The following GDAP2 variants were observed in gnomAD, a reference collection of about 807,000 sequenced individuals.
GDAP2 encodes the protein ganglioside induced differentiation associated protein 2, also known as ganglioside-induced differentiation-associated protein 2.
A neutral mutation model predicts 67.0 loss-of-function variants in GDAP2; 51 were observed. The observed-to-expected ratio is 0.76, with a 90% CI of 0.61 to 0.96. GDAP2 has a LOEUF of 0.96. Ranked by LOEUF, GDAP2 falls within the 40% of genes least tolerant of loss-of-function variation. The pLI, the probability that GDAP2 is intolerant of heterozygous loss-of-function variation, is 0.00. For synonymous variants in GDAP2, 203 were observed against 207.3 expected, an observed-to-expected ratio of 0.98 and a Z score of 0.18; for missense variants, 547 against 588.3, an observed-to-expected ratio of 0.93 and a Z score of 0.73.
At chr1:117,886,005 AG>A (rs1570970377) in intron 10 of GDAP2, among the ~76,000 whole-genome samples, 1 of 152,118 alleles carries the variant, frequency 6.6e-6, no homozygotes, top group Non-Finnish European at 1.5e-5. Context: ...TCACTTTTAT[AG>A]TTTCATCTTT....
Position 117,918,613 on chromosome 1 carries a change from A to T in GDAP2, c.300T>A (p.Asp100Glu). ...FMLAGPDLKE[D>E]LQKLKGCRTG... ...TTCACTCACCTTTAAGTTTCTGGAG[A>T]TCTTCCTTCAAATCAGGCCCTGCAA... Residue 100 changes from aspartate to glutamate, a missense_variant, in exon 3 of 14, where the codon GAT (aspartate) becomes GAA (glutamate). Transcript: ENST00000369443. 6.2e-7 allele frequency: 1 copy of T among 1,609,056 alleles called. No individual in the cohort carries two copies. The highest frequency in any genetic ancestry group is 8.5e-7 in the Non-Finnish European group (1 of 1,175,888).
chr1:117,893,623 C>G (rs893694362), intron 8 of GDAP2, among the ~76,000 whole-genome samples: 14 of 152,028 alleles, frequency 9.2e-5, no homozygotes, highest in Admixed American at 2.6e-4. Context: ...AATAAAAGCC[C>G]GATTTAGAAA....
rs142849045 is a variant in GDAP2 at position 117,925,997 on chromosome 1, T to C, written c.-68+3451A>G. On this transcript the variant is annotated intron_variant, in intron 1 of 13. Coordinates refer to ENST00000369443, the MANE Select transcript of GDAP2 (RefSeq NM_017686.4). ...TAAGAGAGTGTTACAACATAAATTC[T>C]CCTTTTACAATTACATCTTGGCTTT... Among the ~76,000 whole-genome samples the C allele has an allele frequency of 1.9e-4, 29 of 152,356 alleles. No homozygotes were observed. In the East Asian group the frequency reaches 5.4e-3, roughly 28 times the overall value.
intron 3 of GDAP2, among the ~76,000 whole-genome samples, chr1:117,917,646 T>TA (rs1158634703): frequency 6.6e-6 from 1 of 152,192 alleles, no homozygotes; most frequent in African/African-American, 2.4e-5. Context: ...AGCAGAGTTA[T>TA]AACATGAATC....
At chr1:117,906,315 C>T (rs1649657467) in intron 6 of GDAP2, among the ~76,000 whole-genome samples, 191 bp downstream of exon 6, 1 of 152,172 alleles carries the variant, frequency 6.6e-6, no homozygotes, top group Admixed American at 6.5e-5. Flanking sequence ...GAACGAAATG[C>T]TCCTTCTTGA....
rs1191991092 is a variant in GDAP2, at chr1:117,869,206, A to T, written c.*1363T>A. ...GGAGGTGGCTGTAGGAATCAAAAAAAGTACAAAGCTACCCAGATGGGAATA... is the reference window on the plus strand; with the variant it reads ...GGAGGTGGCTGTAGGAATCAAAAAATGTACAAAGCTACCCAGATGGGAATA... On this transcript the variant is annotated 3_prime_UTR_variant, in exon 14 of 14. Transcript: ENST00000369443. The T allele has an allele frequency of 6.6e-6, 1 of 151,570 alleles. No homozygotes were observed. Among genetic ancestry groups the T allele is most frequent in the Non-Finnish European group, 1.5e-5 (1 of 68,026 alleles). 9.4% of individuals were successfully genotyped at this position (151,570 alleles called of 1,614,324 possible).
intron 8 of GDAP2, among the ~76,000 whole-genome samples, chr1:117,890,665 C>T (rs1315625600): frequency 6.6e-6 from 1 of 151,972 alleles, no homozygotes; most frequent in Non-Finnish European, 1.5e-5. Context: ...GTGCTACTTC[C>T]CACCGTTATC....
At chr1:117,876,390 C>G (rs556332200) in intron 13 of GDAP2, among the ~76,000 whole-genome samples, 1 of 152,200 alleles carries the variant, frequency 6.6e-6, no homozygotes, top group Non-Finnish European at 1.5e-5. Context: ...TGCTGGTGCC[C>G]TGCTTCTCAT....
intron 10 of GDAP2, among the ~76,000 whole-genome samples, chr1:117,884,287 T>C (rs755144309): frequency 6.6e-6 from 1 of 152,156 alleles, no homozygotes; most frequent in Admixed American, 6.5e-5. Context: ...AGATTGGTTA[T>C]AGAAATATTC....
intron 1 of GDAP2, among the ~76,000 whole-genome samples, chr1:117,928,292 T>C (rs769613112): frequency 1.4e-4 from 21 of 152,250 alleles, no homozygotes; most frequent in African/African-American, 4.3e-4. Flanking sequence ...ACAATAATTA[T>C]TTAGCATTGA....
At chr1:117,889,772 A>G (rs76465391) in intron 8 of GDAP2, among the ~76,000 whole-genome samples, 2,553 of 152,260 alleles carry the variant, frequency 0.017, 32 homozygotes, top group Middle Eastern at 0.071. Context: ...ATTCTATTAT[A>G]TACTAATTGT....
At position 117,906,556 on chromosome 1, in the gene GDAP2, G is replaced by T; in HGVS notation, c.586C>A (p.His196Asn). ...LRTVRRFLEI[H>N]GETIEKVVFA... Reference sequence around the variant, plus strand: ...ACTACTTTTTCAATGGTTTCCCCATGAATCTCTAGGAATCTTCTTACAGTG... The same window carrying T: ...ACTACTTTTTCAATGGTTTCCCCATTAATCTCTAGGAATCTTCTTACAGTG... Residue 196 changes from histidine (H) to asparagine (N), a missense_variant, in exon 6 of 14, where the codon CAT (histidine) becomes AAT (asparagine). By Grantham distance (68) the His-to-Asn change is moderately conservative. Transcript: ENST00000369443. 1 of 1,563,308 alleles carries T rather than the reference G, an allele frequency of 6.4e-7. No individual in the cohort carries two copies. Among genetic ancestry groups the T allele is most frequent in the Non-Finnish European group, 8.8e-7 (1 of 1,137,334 alleles).
chr1:117,910,303 A>G (rs1341237664), intron 5 of GDAP2, among the ~76,000 whole-genome samples: 3 of 152,156 alleles, frequency 2.0e-5, no homozygotes, highest in African/African-American at 7.2e-5. Flanking sequence ...CAGGGTTGTT[A>G]AGTAAAGTAA....
chr1:117,927,306 G>T (rs1482241405), intron 1 of GDAP2, among the ~76,000 whole-genome samples: 1 of 151,972 alleles, frequency 6.6e-6, no homozygotes, highest in South Asian at 2.1e-4. Context: ...TGGCTAGAGA[G>T]ATCAGATTTT....
intron 8 of GDAP2, among the ~76,000 whole-genome samples, chr1:117,889,718 G>A (rs569842803): frequency 6.6e-6 from 1 of 152,062 alleles, no homozygotes; most frequent in South Asian, 2.1e-4. Context: ...CAAAAATGTG[G>A]CAGTGAAGAA....
In GDAP2 at chr1:117,881,804, A is replaced by G. The variant is rs570500422; in HGVS notation, c.1302+19T>C. 1.1e-5 allele frequency: 16 copies of G among 1,392,982 alleles called. No individual in the cohort carries two copies. In the East Asian group the frequency reaches 1.6e-4, roughly 14 times the overall value. The allele number at this position is 1,392,982 out of a possible 1,614,324, so 86.3% of individuals were successfully genotyped here. A position where few individuals can be genotyped will look rare whatever the true frequency, so the allele number is the denominator to read the frequency against. On this transcript the variant is annotated intron_variant, in intron 12 of 13. Coordinates refer to ENST00000369443, the MANE Select transcript of GDAP2 (RefSeq NM_017686.4). ...GTGCACATAAATTCTAGATTTAACC[A>G]AAGAGAAAAATACTGTACCTTTGAA...
Position 117,886,373 on chromosome 1 carries a change from T to C in GDAP2, c.1107+204A>G, listed in dbSNP as rs144249898. On this transcript the variant is annotated intron_variant, in intron 10 of 13. Coordinates refer to ENST00000369443, the MANE Select transcript of GDAP2 (RefSeq NM_017686.4). ...TGGAGATCACATTACTGTATTCCAG[T>C]ATTTTTTATTTCTTGGACAGAGAAA... Among the ~76,000 whole-genome samples, 122 of 152,308 alleles carry C rather than the reference T, an allele frequency of 8.0e-4. 1 individual carries two copies. The highest frequency in any genetic ancestry group is 6.8e-3 in the Middle Eastern group (2 of 294).
chr1:117,883,396 C>A (rs886700387), intron 11 of GDAP2, 92 bp downstream of exon 11: 1 of 895,290 alleles, frequency 1.1e-6, no homozygotes, highest in Non-Finnish European at 1.8e-6. Flanking sequence ...CATGAAATAT[C>A]CTTTCACAGA....
chr1:117,909,544 G>C (rs1649778287), intron 5 of GDAP2, among the ~76,000 whole-genome samples: 1 of 152,146 alleles, frequency 6.6e-6, no homozygotes, highest in Non-Finnish European at 1.5e-5. Flanking sequence ...TGTTACAAAA[G>C]TGTATAAGCC....
Sources: allele counts gnomAD v4.1 joint callset (sites outside exome capture counted in the v4.1 genomes callset), GRCh38; gene constraint gnomAD v4.1.1; transcripts MANE v1.5; gene names NCBI Gene and HGNC (gene_info 2026-07-23, HGNC 2026-07-21).